Variants in KCNN2 observed in about 807,000 individuals in gnomAD.
KCNN2 encodes the protein small conductance calcium-activated potassium channel protein 2.
A neutral mutation model predicts 55.5 loss-of-function variants in KCNN2; 24 were observed. The observed-to-expected ratio is 0.43, with a 90% CI of 0.31 to 0.61. The LOEUF (loss-of-function observed/expected upper bound fraction) is 0.61, where lower values mean the gene tolerates loss of function less well. Ranked by LOEUF, KCNN2 falls within the 20% of genes least tolerant of loss-of-function variation. The pLI, the probability that KCNN2 is intolerant of heterozygous loss-of-function variation, is 0.08. For missense variants in KCNN2, 754 were observed against 853.6 expected, an observed-to-expected ratio of 0.88 and a Z score of 1.45; for synonymous variants, 431 against 336.1, an observed-to-expected ratio of 1.28 and a Z score of -3.09.
chr5:114,268,942 G>GT (rs1202753679), intron 2 of KCNN2, among the ~76,000 whole-genome samples: 1 of 151,896 alleles, frequency 6.6e-6, no homozygotes, highest in Non-Finnish European at 1.5e-5. Flanking sequence ...TGTCTCGGGG[G>GT]TGGGGGGGTT....
At chr5:114,247,190 AC>A (rs1754763984) in intron 2 of KCNN2, among the ~76,000 whole-genome samples, 1 of 127,638 alleles carries the variant, frequency 7.8e-6, no homozygotes, top group Non-Finnish European at 1.6e-5. Context: ...CAGGCATGGT[AC>A]CATATGTCTC....
intron 2 of KCNN2, among the ~76,000 whole-genome samples, chr5:114,241,810 A>G (rs1365580183): frequency 0.1 from 3,836 of 38,106 alleles, 1,145 homozygotes; most frequent in South Asian, 0.16. Flanking sequence ...ATATACGTAT[A>G]TATATATATG....
chr5:114,242,295 G>A (rs191797766), intron 2 of KCNN2, among the ~76,000 whole-genome samples: 1 of 124,790 alleles, frequency 8.0e-6, no homozygotes, highest in African/African-American at 2.7e-5. Flanking sequence ...CCCATGGAGA[G>A]TTGTCTTCAA....
chr5:114,162,944 A>T (rs898795757), intron 1 of KCNN2, among the ~76,000 whole-genome samples: 19 of 152,130 alleles, frequency 1.2e-4, no homozygotes, highest in African/African-American at 4.6e-4. Context: ...GCCCCCTTGC[A>T]CTTCCCGGGT....
intron 1 of KCNN2, among the ~76,000 whole-genome samples, chr5:114,124,150 T>G (rs2974463): frequency 0.069 from 10,580 of 152,246 alleles, 1,215 homozygotes; most frequent in African/African-American, 0.24. Context: ...GTCATCATAA[T>G]GGCAGGTTTG....
chr5:114,319,214 C>T (rs1485118242), intron 2 of KCNN2, among the ~76,000 whole-genome samples: 2 of 152,160 alleles, frequency 1.3e-5, no homozygotes, highest in Non-Finnish European at 2.9e-5. Flanking sequence ...CAGTCAGTTT[C>T]CCACCACTGG....
chr5:114,366,672 T>C lies in KCNN2; in HGVS notation c.1218+2671T>C, dbSNP rs375850907. ...CAATGAAACCAACTGCTCAGGCTTA[T>C]GTATATGCATGGAAAATGATGAATT... On this transcript the variant is annotated intron_variant, in intron 2 of 7. Transcript: ENST00000673685. Among the ~76,000 whole-genome samples, 6 of 152,080 alleles carry C rather than the reference T, an allele frequency of 3.9e-5. No individual in the cohort carries two copies. In the East Asian group the frequency reaches 5.8e-4, roughly 15 times the overall value.
At chr5:114,112,478 A>G (rs572483225) in intron 1 of KCNN2, among the ~76,000 whole-genome samples, 2 of 152,316 alleles carry the variant, frequency 1.3e-5, no homozygotes, top group African/African-American at 4.8e-5. Context: ...AAGTATAATA[A>G]AAAATACATA....
chr5:114,198,265 T>TTATA (rs369962216), intron 1 of KCNN2, among the ~76,000 whole-genome samples: 93 of 148,468 alleles, frequency 6.3e-4, no homozygotes, highest in African/African-American at 2.2e-3. Flanking sequence ...TAGTATTCCA[T>TTATA]TATATATATA....
chr5:114,158,484 A>AGGCT (rs1752690207), intron 1 of KCNN2, among the ~76,000 whole-genome samples: 1 of 152,040 alleles, frequency 6.6e-6, no homozygotes, highest in Non-Finnish European at 1.5e-5. Flanking sequence ...TTGGCAATGC[A>AGGCT]GGCTCTTTTT....
At chr5:114,178,166 A>G (rs1348869994) in intron 1 of KCNN2, among the ~76,000 whole-genome samples, 1 of 152,222 alleles carries the variant, frequency 6.6e-6, no homozygotes, top group Non-Finnish European at 1.5e-5. Flanking sequence ...CATTTTCATC[A>G]GTAATTAAAT....
chr5:114,096,939 T>C (rs2112563420), intron 1 of KCNN2, among the ~76,000 whole-genome samples: 1 of 152,246 alleles, frequency 6.6e-6, no homozygotes, highest in Non-Finnish European at 1.5e-5. Flanking sequence ...AGTTCTGCTA[T>C]TACCTCCCTT....
At chr5:114,195,579 T>C (rs1348234127) in intron 1 of KCNN2, among the ~76,000 whole-genome samples, 2 of 152,012 alleles carry the variant, frequency 1.3e-5, no homozygotes, top group Admixed American at 6.6e-5. Flanking sequence ...TAGTCTTTTA[T>C]TTATATTACT....
At chr5:114,079,605 T>G (rs1750759378) in intron 1 of KCNN2, among the ~76,000 whole-genome samples, 1 of 152,186 alleles carries the variant, frequency 6.6e-6, no homozygotes, top group Non-Finnish European at 1.5e-5. Context: ...GAAGTGTTAT[T>G]GTTCTTTTTT....
intron 1 of KCNN2, among the ~76,000 whole-genome samples, chr5:114,200,726 C>G (rs1273691897): frequency 6.6e-6 from 1 of 151,890 alleles, no homozygotes; most frequent in East Asian, 1.9e-4. Context: ...GAGTAAGACA[C>G]TTTGGCCTTG....
chr5:114,235,409 C>T (rs565708505), intron 2 of KCNN2, among the ~76,000 whole-genome samples: 47 of 152,262 alleles, frequency 3.1e-4, no homozygotes, highest in African/African-American at 1.1e-3. Flanking sequence ...TGATGAAATT[C>T]ATCACCTTAA....
At chr5:114,124,735 T>C (rs1751896735) in intron 1 of KCNN2, among the ~76,000 whole-genome samples, 1 of 152,198 alleles carries the variant, frequency 6.6e-6, no homozygotes, top group South Asian at 2.1e-4. Context: ...AAATTTACAC[T>C]GTTTGCCTTC....
intron 1 of KCNN2, among the ~76,000 whole-genome samples, chr5:114,145,624 T>C (rs1752382830): frequency 6.6e-6 from 1 of 152,084 alleles, no homozygotes; most frequent in African/African-American, 2.4e-5. Flanking sequence ...AGGGGTTCCG[T>C]CTTCTGAAGG....
intron 2 of KCNN2, among the ~76,000 whole-genome samples, chr5:114,364,442 A>T (rs1034966657): frequency 6.6e-6 from 1 of 152,108 alleles, no homozygotes; most frequent in Non-Finnish European, 1.5e-5. Flanking sequence ...AAACTGGGTG[A>T]TGAGTTGCCA....
Sources: gnomAD v4.1 joint callset for allele counts (sites outside exome capture counted in the v4.1 genomes callset) on GRCh38, gnomAD v4.1.1 for gene constraint, MANE v1.5 for transcripts, NCBI Gene and HGNC (gene_info 2026-07-23, HGNC 2026-07-21) for gene names.